The following HLCS variants were observed in gnomAD, a reference collection of about 807,000 sequenced individuals.
HLCS encodes biotin--protein ligase.
Under a neutral mutation model 75.0 loss-of-function variants are expected in HLCS, and 53 were observed. The ratio of observed to expected loss-of-function variants is 0.71; its 90% CI spans 0.57 to 0.89. HLCS has a LOEUF of 0.89. Among genes scored for constraint, HLCS ranks in the 40% least tolerant of loss-of-function variants. HLCS has a pLI of 0.00. For synonymous variants in HLCS, 431 were observed against 428.6 expected (o/e 1.01, Z -0.07); for missense variants, 966 against 1,074.0 (o/e 0.90, Z 1.41).
chr21:36,789,011 C>T (rs1035860947), intron 6 of HLCS, among the ~76,000 whole-genome samples: 5 of 152,170 alleles, frequency 3.3e-5, no homozygotes, highest in Admixed American at 3.3e-4. Flanking sequence ...TCTCCTATGG[C>T]CATAACAGCC....
chr21:36,840,964 T>A (rs2062595603), intron 6 of HLCS, among the ~76,000 whole-genome samples: 1 of 152,002 alleles, frequency 6.6e-6, no homozygotes, highest in Admixed American at 6.6e-5. Flanking sequence ...GAAAAATCCA[T>A]GAGGATTTTT....
chr21:36,827,680 G>A (rs1411997599), intron 6 of HLCS, among the ~76,000 whole-genome samples: 1 of 151,966 alleles, frequency 6.6e-6, no homozygotes, highest in East Asian at 1.9e-4. Context: ...TTCTCCGGGG[G>A]CAATACTTCT....
At chr21:36,979,982 C>T (rs375790560) in intron 1 of HLCS, among the ~76,000 whole-genome samples, 3 of 144,824 alleles carry the variant, frequency 2.1e-5, no homozygotes, top group South Asian at 4.4e-4. Flanking sequence ...GCCGCAATCA[C>T]GCCACTTGTA....
rs145250708 is a variant in HLCS at position 36,941,742 on chromosome 21, C to T, written c.331-2748G>A. Among the ~76,000 whole-genome samples the T allele has an allele frequency of 9.9e-5, 15 of 152,246 alleles. No individual in the cohort carries two copies. The East Asian group carries it at 2.5e-3, about 25-fold the overall frequency. ...AAAATTGGCTGGGCGCGGTGTCTCA[C>T]GCCTGTAACCACAGCCCTTTGGGAG... On this transcript the variant is annotated intron_variant, in intron 2 of 10. Transcript: ENST00000674895.
intron 6 of HLCS, among the ~76,000 whole-genome samples, chr21:36,875,810 T>C (rs2063949274): frequency 6.6e-6 from 1 of 152,198 alleles, no homozygotes; most frequent in Admixed American, 6.5e-5. Flanking sequence ...AACGTCCCCC[T>C]GCTCGCCATG....
intron 6 of HLCS, among the ~76,000 whole-genome samples, chr21:36,848,958 T>C (rs2062891364): frequency 6.6e-6 from 1 of 152,230 alleles, no homozygotes; most frequent in Non-Finnish European, 1.5e-5. Flanking sequence ...ATTTGCTTCT[T>C]AGTTAATGAA....
chr21:36,822,248 C>T (rs1343330244), intron 6 of HLCS, among the ~76,000 whole-genome samples: 4 of 152,012 alleles, frequency 2.6e-5, no homozygotes, highest in East Asian at 3.9e-4. Flanking sequence ...GGCAAAACCC[C>T]GTCTCTACTA....
intron 6 of HLCS, among the ~76,000 whole-genome samples, chr21:36,880,986 GTTTT>G (rs996010510): frequency 6.9e-6 from 1 of 145,664 alleles, no homozygotes; most frequent in African/African-American, 2.6e-5. Flanking sequence ...TTGTTTGTTT[GTTTT>G]GAGATAGAGT....
intron 6 of HLCS, among the ~76,000 whole-genome samples, chr21:36,819,289 GT>G (rs754573685): frequency 3.3e-5 from 5 of 152,182 alleles, no homozygotes; most frequent in Admixed American, 6.5e-5. Context: ...CAGCAGAAGG[GT>G]TCCCCAGAGG....
Position 36,753,928 on chromosome 21 carries a change from T to C in HLCS, c.*318A>G, listed in dbSNP as rs969900894. On this transcript the variant is annotated 3_prime_UTR_variant, in exon 11 of 11. Transcript: ENST00000674895. This position sits in a 1 kb window ranked among gnomAD's most constrained non-coding sequence, Gnocchi z 4.3. The stretch of plus-strand genomic sequence containing the variant: ...CTGCACTACTAAGAAAATATCTGAA[T>C]TTTCCCATTGTCATTTCCATGTAAA... 1 of 429,074 alleles carries C rather than the reference T, an allele frequency of 2.3e-6. No homozygotes were observed. Among genetic ancestry groups the C allele is most frequent in the Non-Finnish European group, 4.3e-6 (1 of 230,854 alleles). 26.6% of individuals were successfully genotyped at this position (429,074 alleles called of 1,614,324 possible).
chr21:36,761,964 C>T (rs981814130), intron 8 of HLCS, among the ~76,000 whole-genome samples: 9 of 152,238 alleles, frequency 5.9e-5, no homozygotes, highest in Admixed American at 5.9e-4. Context: ...CTTCAGATCT[C>T]CTCGGCTCAT....
intron 6 of HLCS, among the ~76,000 whole-genome samples, chr21:36,838,380 G>GA (rs1384777968): frequency 6.6e-6 from 1 of 151,402 alleles, no homozygotes; most frequent in Non-Finnish European, 1.5e-5. Flanking sequence ...TACTTACTTG[G>GA]AAAAAGGGTC....
chr21:36,807,027 G>A (rs1250583122), intron 6 of HLCS, among the ~76,000 whole-genome samples: 2 of 152,198 alleles, frequency 1.3e-5, no homozygotes, highest in East Asian at 3.9e-4. Context: ...CTCATAGCAC[G>A]TCAGCTTGCT....
At chr21:36,800,162 C>T (rs750648172) in intron 6 of HLCS, among the ~76,000 whole-genome samples, 6 of 152,142 alleles carry the variant, frequency 3.9e-5, no homozygotes, top group African/African-American at 7.2e-5. Flanking sequence ...TTGACCCCAC[C>T]ACTCCATCAT....
intron 4 of HLCS, among the ~76,000 whole-genome samples, chr21:36,931,430 G>C (rs1201626034): frequency 6.6e-6 from 1 of 152,042 alleles, no homozygotes; most frequent in Non-Finnish European, 1.5e-5. Context: ...CCTAGGAAGA[G>C]AGCAGCGTTA....
intron 6 of HLCS, among the ~76,000 whole-genome samples, chr21:36,771,250 A>AAATAAATAAAAAAT (rs2060198837): frequency 1.3e-5 from 2 of 150,426 alleles, no homozygotes; most frequent in African/African-American, 4.9e-5. Context: ...AAATAAATAT[A>AAATAAATAAAAAAT]AAATAAAATA....
intron 6 of HLCS, among the ~76,000 whole-genome samples, chr21:36,809,379 C>A (rs1293431085): frequency 6.6e-6 from 1 of 152,140 alleles, no homozygotes; most frequent in Non-Finnish European, 1.5e-5. Context: ...TGCTCTTCAA[C>A]TTTGGTTTTC....
chr21:36,925,506 T>TG (rs937437167), intron 5 of HLCS, among the ~76,000 whole-genome samples: 90 of 152,260 alleles, frequency 5.9e-4, no homozygotes, highest in African/African-American at 2.1e-3. Flanking sequence ...CCGACCTTCC[T>TG]GGGGGCAGCA....
Position 36,936,547 on chromosome 21 carries a change from G to A in HLCS, c.1339C>T (p.Pro447Ser). The A allele has an allele frequency of 6.2e-7, 1 of 1,614,180 alleles. No individual in the cohort carries two copies. The highest frequency in any genetic ancestry group is 8.5e-7 in the Non-Finnish European group (1 of 1,180,024). The change falls in exon 4 of 11, where the codon CCC becomes TCC. Residue 447 changes from proline to serine, a missense_variant. Physicochemically the swap from Pro to Ser is moderately conservative, Grantham distance 74. Transcript: ENST00000674895. ...TCCAGGTGGCCCTGGAGCCTGCCGGGGCTGAGCCGGACGGGGCCTTCCTGG... is the reference window on the plus strand; with the variant it reads ...TCCAGGTGGCCCTGGAGCCTGCCGGAGCTGAGCCGGACGGGGCCTTCCTGG... Reference protein sequence around the residue: ...RYQEGPVRLSPGRLQGHLENE... With the variant: ...RYQEGPVRLSSGRLQGHLENE...
Sources: gnomAD v4.1 joint callset for allele counts (sites outside exome capture counted in the v4.1 genomes callset) on GRCh38, gnomAD v4.1.1 for gene constraint, Gnocchi (gnomAD v3.1) non-coding constraint, MANE v1.5 for transcripts, NCBI Gene and HGNC (gene_info 2026-07-23, HGNC 2026-07-21) for gene names.